Variants in DHRS3 observed in about 807,000 individuals in gnomAD.
DHRS3 encodes dehydrogenase/reductase 3, also known as short-chain dehydrogenase/reductase 3.
DHRS3 carries 14 observed loss-of-function variants against 27.2 expected under a neutral mutation model. The observed-to-expected ratio is 0.52, with a 90% CI of 0.34 to 0.81. The LOEUF is 0.81. Ranked by LOEUF, DHRS3 falls within the 30% of genes least tolerant of loss-of-function variation. DHRS3 has a pLI of 0.01. For synonymous variants in DHRS3, 165 were observed against 175.9 expected, an observed-to-expected ratio of 0.94 and a Z score of 0.49; for missense variants, 322 against 406.2, an observed-to-expected ratio of 0.79 and a Z score of 1.78.
At chr1:12,600,346 C>G in intron 1 of DHRS3, 1 of 985,388 alleles carries the variant, frequency 1.0e-6, no homozygotes, top group Non-Finnish European at 1.2e-6. Context: ...CACCATGTGC[C>G]CAGTCCACAC....
In DHRS3 at chr1:12,593,760, G is replaced by T. The variant is rs1164036484; in HGVS notation, c.196-13094C>A. On this transcript the variant is annotated intron_variant, in intron 1 of 5. Transcript: ENST00000616661. The surrounding 1 kb of genome is among the most constrained non-coding windows in gnomAD (Gnocchi z 4.6). Reference sequence around the variant, plus strand: ...ACTGGGCAGTCTCCACCTCATCCCTGGGTGTGATTCTTGCGAAACTTTTTG... The same window carrying T: ...ACTGGGCAGTCTCCACCTCATCCCTTGGTGTGATTCTTGCGAAACTTTTTG... Among the ~76,000 whole-genome samples, 1 of 152,138 alleles carries T rather than the reference G, an allele frequency of 6.6e-6. No homozygotes were observed. Among genetic ancestry groups the T allele is most frequent in the Non-Finnish European group, 1.5e-5 (1 of 68,028 alleles).
At chr1:12,603,057 G>T (rs188927994) in intron 1 of DHRS3, among the ~76,000 whole-genome samples, 36 of 152,380 alleles carry the variant, frequency 2.4e-4, no homozygotes, top group Admixed American at 4.6e-4. Flanking sequence ...CCCTTGGAGA[G>T]GCTGTCTCAG....
rs1646501008 is a variant in DHRS3, at chr1:12,568,171, C to T, written c.*169G>A. 3.2e-6 allele frequency: 2 copies of T among 631,142 alleles called. No homozygotes were observed. Among genetic ancestry groups the T allele is most frequent in the Non-Finnish European group, 5.7e-6 (2 of 352,636 alleles). The allele number at this position is 631,142 out of a possible 1,614,324, so 39.1% of individuals were successfully genotyped here. A position where few individuals can be genotyped will look rare whatever the true frequency, so the allele number is the denominator to read the frequency against. On this transcript the variant is annotated 3_prime_UTR_variant, in exon 6 of 6. Transcript: ENST00000616661. ...TGGGGGTCAGTTATACCCATCAGTC[C>T]TGTGCAAAGGTCCTGGGACTGGCCC...
chr1:12,612,066 A>G (rs1482564180), intron 1 of DHRS3, among the ~76,000 whole-genome samples: 2 of 152,162 alleles, frequency 1.3e-5, no homozygotes, highest in African/African-American at 4.8e-5. Flanking sequence ...GGGGAGTAAG[A>G]AGGAGATGTT....
At chr1:12,571,075 G>C (rs537002557) in intron 5 of DHRS3, among the ~76,000 whole-genome samples, 3 of 152,228 alleles carry the variant, frequency 2.0e-5, no homozygotes, top group Non-Finnish European at 4.4e-5. Flanking sequence ...TTCCTGAAAA[G>C]GACTTCCAGG....
rs1223058653 is a variant in DHRS3, at chr1:12,594,637, C to T, written c.196-13971G>A. On this transcript the variant is annotated intron_variant, in intron 1 of 5. Coordinates refer to ENST00000616661, the MANE Select transcript of DHRS3 (RefSeq NM_004753.7). This position sits in a 1 kb window ranked among gnomAD's most constrained non-coding sequence, Gnocchi z 4.1. ...GAAGTGAAGGAGGGAGCGATACAGACGCGTGGAGGAAGAGCATCCCTGGTG... is the reference window on the plus strand; with the variant it reads ...GAAGTGAAGGAGGGAGCGATACAGATGCGTGGAGGAAGAGCATCCCTGGTG... 6.6e-6 allele frequency among the ~76,000 whole-genome samples: 1 copy of T among 152,036 alleles called. No individual in the cohort carries two copies. The highest frequency in any genetic ancestry group is 1.5e-5 in the Non-Finnish European group (1 of 68,006).
In DHRS3 at chr1:12,605,078, C is replaced by CAAAA. The variant is rs36031555; in HGVS notation, c.195+12072_195+12075dup. On this transcript the variant is annotated intron_variant, in intron 1 of 5. Transcript: ENST00000616661. ...CTGCGCGACTGGCAAAACTCCATCT[C>CAAAA]AAAAAAAAAAAAAAAAAAAGGTCAA... Among the ~76,000 whole-genome samples the CAAAA allele has an allele frequency of 2.6e-4, 26 of 98,398 alleles. 1 individual carries two copies. The highest frequency in any genetic ancestry group is 9.7e-4 in the African/African-American group (24 of 24,624). The allele number at this position is 98,398 out of a possible 152,430, so 64.6% of individuals were successfully genotyped here.
intron 1 of DHRS3, among the ~76,000 whole-genome samples, chr1:12,585,149 G>C (rs983092949): frequency 1.3e-5 from 2 of 148,830 alleles, no homozygotes; most frequent in Non-Finnish European, 3.0e-5. Context: ...GTGTGTCTCA[G>C]TGTGTCTCTG....
intron 1 of DHRS3, among the ~76,000 whole-genome samples, chr1:12,595,634 G>A (rs1646789858): frequency 6.6e-6 from 1 of 151,620 alleles, no homozygotes; most frequent in South Asian, 2.1e-4. Context: ...CAGATAGGGA[G>A]GGCTTTGCGG....
chr1:12,583,798 C>A (rs1015583328), intron 1 of DHRS3, among the ~76,000 whole-genome samples: 4 of 151,930 alleles, frequency 2.6e-5, no homozygotes, highest in African/African-American at 9.7e-5. Flanking sequence ...ATCCATCCCC[C>A]CACCCATCCC....
intron 1 of DHRS3, among the ~76,000 whole-genome samples, chr1:12,583,626 CAT>C (rs1646666864): frequency 4.0e-5 from 6 of 148,582 alleles, no homozygotes; most frequent in Admixed American, 6.7e-5. Context: ...TCCATCCATC[CAT>C]CCATCCCTCC....
chr1:12,582,364 C>T (rs1222293908), intron 1 of DHRS3, among the ~76,000 whole-genome samples: 6 of 152,164 alleles, frequency 3.9e-5, no homozygotes, highest in Non-Finnish European at 8.8e-5. Context: ...AATAAGTGTT[C>T]TCTAAAGCCC....
At position 12,617,376 on chromosome 1, in the gene DHRS3, G is replaced by C; in HGVS notation, c.-28C>G. Reference sequence around the variant, plus strand: ...TCCGCGCCGCGGAGCCGGGCAGGGGGCGAAACTCCCCGGGCCGAGCAATAC... The same window carrying C: ...TCCGCGCCGCGGAGCCGGGCAGGGGCCGAAACTCCCCGGGCCGAGCAATAC... On this transcript the variant is annotated 5_prime_UTR_variant, in exon 1 of 6. Coordinates refer to ENST00000616661, the MANE Select transcript of DHRS3 (RefSeq NM_004753.7). 6.3e-7 allele frequency: 1 copy of C among 1,589,948 alleles called. No individual in the cohort carries two copies. The highest frequency in any genetic ancestry group is 8.6e-7 in the Non-Finnish European group (1 of 1,162,884).
rs1361979122 is a variant in DHRS3, at chr1:12,579,164, G to C, written c.459+129C>G. On this transcript the variant is annotated intron_variant, in intron 3 of 5. Coordinates refer to ENST00000616661, the MANE Select transcript of DHRS3 (RefSeq NM_004753.7). Reference sequence around the variant, plus strand: ...TGTCCTAGAGCTGGTCATTCGTCTTGTCTGGCCACCTTGTTCGTGGACATC... The same window carrying C: ...TGTCCTAGAGCTGGTCATTCGTCTTCTCTGGCCACCTTGTTCGTGGACATC... 6 of 1,496,900 alleles carry C rather than the reference G, an allele frequency of 4.0e-6. No individual in the cohort carries two copies. In the Admixed American group the frequency reaches 7.4e-5, roughly 19 times the overall value. 92.7% of individuals were successfully genotyped at this position (1,496,900 alleles called of 1,614,324 possible).
chr1:12,617,298 G>A lies in DHRS3; in HGVS notation c.51C>T (p.Ile17=), dbSNP rs1168831056. Residue 17 remains isoleucine, a synonymous_variant, in exon 1 of 6, where the codon ATC becomes ATT. Coordinates refer to ENST00000616661, the MANE Select transcript of DHRS3 (RefSeq NM_004753.7). ...CGACGGCTGCTTTCACCACCAGATA[G>A]ATCATCTGTAGAGGGAACATCACCA... ...GALVMFPLQM[I]YLVVKAAVGL... 6 of 1,613,526 alleles carry A rather than the reference G, an allele frequency of 3.7e-6. No homozygotes were observed. Among genetic ancestry groups the A allele is most frequent in the African/African-American group, 2.7e-5 (2 of 74,894 alleles).
At chr1:12,605,977 A>C (rs1646867740) in intron 1 of DHRS3, among the ~76,000 whole-genome samples, 1 of 151,974 alleles carries the variant, frequency 6.6e-6, no homozygotes, top group Non-Finnish European at 1.5e-5. Context: ...CGTCTCTACT[A>C]AAAATACAAA....
In DHRS3 at chr1:12,617,857, C is replaced by CCCA. The variant is rs1646956401; in HGVS notation, c.-510_-509insTGG. 1 of 57,088 alleles carries CCCA rather than the reference C, an allele frequency of 1.8e-5. No homozygotes were observed. Among genetic ancestry groups the CCCA allele is most frequent in the Non-Finnish European group, 3.3e-5 (1 of 29,950 alleles). 3.5% of individuals were successfully genotyped at this position (57,088 alleles called of 1,614,324 possible). On this transcript the variant is annotated 5_prime_UTR_variant, in exon 1 of 6. Transcript: ENST00000616661. ...AGCGCCCCCACCCCCACCCCGTCTC[C>CCCA]AGAAAAAAAAAAAAAAAAAAAGTGG... is the stretch of plus-strand genomic sequence containing the variant.
chr1:12,591,536 A>G lies in DHRS3; in HGVS notation c.196-10870T>C, dbSNP rs1210503240. ...AGAGACTTCCTCCAGGCGGACGTCCAGCCTGGAACTGGCCCGCTTGGGAGG... is the reference window on the plus strand; with the variant it reads ...AGAGACTTCCTCCAGGCGGACGTCCGGCCTGGAACTGGCCCGCTTGGGAGG... On this transcript the variant is annotated intron_variant, in intron 1 of 5. Coordinates refer to ENST00000616661, the MANE Select transcript of DHRS3 (RefSeq NM_004753.7). The surrounding 1 kb of genome is among the most constrained non-coding windows in gnomAD (Gnocchi z 4.1). Among the ~76,000 whole-genome samples, 1 of 152,246 alleles carries G rather than the reference A, an allele frequency of 6.6e-6. No individual in the cohort carries two copies. The highest frequency in any genetic ancestry group is 1.5e-5 in the Non-Finnish European group (1 of 68,038).
intron 1 of DHRS3, among the ~76,000 whole-genome samples, chr1:12,580,976 C>G (rs1263117885): frequency 6.6e-6 from 1 of 151,932 alleles, no homozygotes; most frequent in Non-Finnish European, 1.5e-5. Flanking sequence ...GTGCATGCTA[C>G]CATACCTAGC....
Sources: gnomAD v4.1 joint callset for allele counts (sites outside exome capture counted in the v4.1 genomes callset) on GRCh38, gnomAD v4.1.1 for gene constraint, Gnocchi (gnomAD v3.1) non-coding constraint, MANE v1.5 for transcripts, NCBI Gene and HGNC (gene_info 2026-07-23, HGNC 2026-07-21) for gene names.